The following ITSN2 variants were observed in gnomAD, a reference collection of about 807,000 sequenced individuals.
ITSN2 encodes intersectin-2.
In ITSN2, 156 loss-of-function variants were observed where a neutral mutation model predicts 243.7. The observed-to-expected ratio is 0.64, with a 90% CI of 0.56 to 0.73. ITSN2 has a LOEUF of 0.73. Among genes scored for constraint, ITSN2 ranks in the 30% least tolerant of loss-of-function variants. The probability of loss-of-function intolerance (pLI) is 0.00; values close to 1 mark genes in which losing one functional copy is unlikely to be tolerated. For missense variants in ITSN2, 1,801 were observed against 1,996.1 expected (o/e 0.90, Z 1.86); for synonymous variants, 703 against 699.9 (o/e 1.00, Z -0.07).
At chr2:24,332,913 T>C (rs1558643239) in intron 1 of ITSN2, among the ~76,000 whole-genome samples, 2 of 152,204 alleles carry the variant, frequency 1.3e-5, no homozygotes, top group East Asian at 1.9e-4. Flanking sequence ...TGAGTATTCA[T>C]TGAGAATCCA....
chr2:24,228,527 C>T (rs1671269353), intron 29 of ITSN2, among the ~76,000 whole-genome samples: 1 of 152,114 alleles, frequency 6.6e-6, no homozygotes, highest in African/African-American at 2.4e-5. Flanking sequence ...AATGTAATAA[C>T]ATGAAAGACA....
At chr2:24,301,055 A>G in intron 11 of ITSN2, 99 bp downstream of exon 11, 1 of 654,732 alleles carries the variant, frequency 1.5e-6, no homozygotes, top group Non-Finnish European at 2.6e-6. Flanking sequence ...ATAGCACATC[A>G]AATATTAAAA....
At chr2:24,254,525 T>A in intron 23 of ITSN2, 94 bp from the exon 24 acceptor site, 3 of 874,760 alleles carry the variant, frequency 3.4e-6, no homozygotes, top group Non-Finnish European at 5.6e-6. Context: ...TAGTAGTGCA[T>A]TTTTTAGGGC....
At chr2:24,258,141 T>C (rs866400207) in intron 22 of ITSN2, 48 bp from the exon 23 acceptor site, 2 of 1,347,992 alleles carry the variant, frequency 1.5e-6, no homozygotes, top group Middle Eastern at 1.8e-4. Context: ...ATGGTAACTA[T>C]GATTTCTGTT....
In ITSN2 at chr2:24,251,309, C is replaced by CAAAAAAAAAAAAAAAAAAAAA. The variant is rs1553355845; in HGVS notation, c.3120+1035_3120+1036insTTTTTTTTTTTTTTTTTTTTT. ...TGGGCAACAGAACTAAACTCCATCT[C>CAAAAAAAAAAAAAAAAAAAAA]AAAAAAAAAAAAAAATAAAATATAT... On this transcript the variant is annotated intron_variant, in intron 25 of 39. Transcript: ENST00000355123. 3.6e-4 allele frequency among the ~76,000 whole-genome samples: 8 copies of CAAAAAAAAAAAAAAAAAAAAA among 22,012 alleles called. 4 individuals are homozygous for CAAAAAAAAAAAAAAAAAAAAA. The highest frequency in any genetic ancestry group is 3.2e-3 in the South Asian group (2 of 624). The allele number at this position is 22,012 out of a possible 152,430, so 14.4% of individuals were successfully genotyped here. A position where few individuals can be genotyped will look rare whatever the true frequency, so the allele number is the denominator to read the frequency against.
At chr2:24,233,521 G>C (rs1483251462) in intron 29 of ITSN2, among the ~76,000 whole-genome samples, 2 of 152,222 alleles carry the variant, frequency 1.3e-5, no homozygotes, top group Admixed American at 6.5e-5. Flanking sequence ...GCAGCTCCCA[G>C]TTAATGGAAA....
intron 29 of ITSN2, among the ~76,000 whole-genome samples, chr2:24,233,417 A>C (rs760416673): frequency 6.6e-6 from 1 of 152,034 alleles, no homozygotes; most frequent in Admixed American, 6.6e-5. Flanking sequence ...ATGTAACTTG[A>C]CCAGCTTGGA....
chr2:24,255,369 C>T (rs1674880951), intron 23 of ITSN2, among the ~76,000 whole-genome samples: 1 of 152,220 alleles, frequency 6.6e-6, no homozygotes, highest in African/African-American at 2.4e-5. Flanking sequence ...TGGCAAACAC[C>T]TGTAATCCCA....
intron 1 of ITSN2, among the ~76,000 whole-genome samples, chr2:24,355,784 G>T (rs965392870): frequency 5.5e-4 from 83 of 152,284 alleles, no homozygotes; most frequent in African/African-American, 2.0e-3. Context: ...CTATCATCAG[G>T]CTGGGTGCAG....
At chr2:24,347,485 G>A (rs773464475) in intron 1 of ITSN2, among the ~76,000 whole-genome samples, 4 of 152,090 alleles carry the variant, frequency 2.6e-5, no homozygotes, top group Non-Finnish European at 1.5e-5. Context: ...TCGGGAGTTC[G>A]AGACCAGCCT....
At chr2:24,308,531 A>ATTT (rs1682839686) in intron 8 of ITSN2, 86 bp downstream of exon 8, 1 of 848,674 alleles carries the variant, frequency 1.2e-6, no homozygotes, top group African/African-American at 1.7e-5. Context: ...GATGAGCTAC[A>ATTT]CAATACAAAT....
intron 1 of ITSN2, among the ~76,000 whole-genome samples, chr2:24,336,339 A>C (rs4538158): frequency 0.98 from 148,922 of 152,108 alleles, 72,899 homozygotes; most frequent in East Asian, 0.99. Flanking sequence ...AATAAATGTT[A>C]TTGGCTTGAG....
chr2:24,214,681 T>C (rs1044437543), intron 32 of ITSN2, among the ~76,000 whole-genome samples: 3 of 152,166 alleles, frequency 2.0e-5, no homozygotes, highest in Admixed American at 6.5e-5. Context: ...TTTTATTACC[T>C]CTCTTCAATA....
intron 20 of ITSN2, among the ~76,000 whole-genome samples, chr2:24,268,074 C>T (rs1358325057): frequency 6.6e-6 from 1 of 152,188 alleles, no homozygotes; most frequent in Non-Finnish European, 1.5e-5. Context: ...TAAATTCTCA[C>T]AGGCCTAGCA....
intron 17 of ITSN2, among the ~76,000 whole-genome samples, chr2:24,278,636 G>A (rs187344642): frequency 8.3e-4 from 116 of 140,156 alleles, no homozygotes; most frequent in African/African-American, 3.0e-3. Context: ...ATTAAGAGTT[G>A]TTCTCAATCT....
chr2:24,301,984 G>C lies in ITSN2; in HGVS notation c.976C>G (p.Leu326Val). The change falls in exon 10 of 40, where the codon CTT becomes GTT. Residue 326 changes from leucine (L) to valine (V), a missense_variant. Around this residue, in one of 5 missense-constraint regions of ITSN2, gnomAD observed 787 missense variants for 803.9 expected, o/e 0.98. Coordinates refer to ENST00000355123, the MANE Select transcript of ITSN2 (RefSeq NM_006277.3). ...ACTCACCTGAAAGATGGAGGAACAA[G>C]CTCAGGAGGTAAAGTCAGTGGTAAT... ...QPLPLTLPPE[L>V]VPPSFRGGKQ... The C allele has an allele frequency of 6.2e-7, 1 of 1,610,406 alleles. No homozygotes were observed. The highest frequency in any genetic ancestry group is 1.1e-5 in the South Asian group (1 of 90,588).
At chr2:24,258,133 G>A (rs1675306096) in intron 22 of ITSN2, 40 bp from the exon 23 acceptor site, 36 of 1,405,342 alleles carry the variant, frequency 2.6e-5, no homozygotes, top group Non-Finnish European at 3.5e-5. Context: ...AAAAGGCAAT[G>A]GTAACTATGA....
chr2:24,322,886 C>T (rs2151812779), intron 2 of ITSN2, among the ~76,000 whole-genome samples: 1 of 151,654 alleles, frequency 6.6e-6, no homozygotes, highest in South Asian at 2.1e-4. Context: ...ATAATCCCCC[C>T]CCTCAAAAAA....
Position 24,212,751 on chromosome 2 carries a change from G to A in ITSN2, c.3991-3C>T. 1.9e-5 allele frequency: 30 copies of A among 1,613,070 alleles called. No homozygotes were observed. Among genetic ancestry groups the A allele is most frequent in the Non-Finnish European group, 2.5e-5 (30 of 1,179,002 alleles). On this transcript the variant is annotated splice_region_variant and splice_polypyrimidine_tract_variant and intron_variant, in intron 32 of 39. Coordinates refer to ENST00000355123, the MANE Select transcript of ITSN2 (RefSeq NM_006277.3). Reference sequence around the variant, plus strand: ...CACCGCGGGTCAGATGCCAGCTTCTGCAAAACAACAGTGAGGCTCGTGAGG... The same window carrying A: ...CACCGCGGGTCAGATGCCAGCTTCTACAAAACAACAGTGAGGCTCGTGAGG...
Sources: allele counts gnomAD v4.1 joint callset (sites outside exome capture counted in the v4.1 genomes callset), GRCh38; gene constraint gnomAD v4.1.1; regional missense constraint gnomAD v4.1.1; transcripts MANE v1.5; gene names NCBI Gene and HGNC (gene_info 2026-07-23, HGNC 2026-07-21).